Variants in CEP128 observed in about 807,000 individuals in gnomAD.
The protein encoded by CEP128 is centrosomal protein 128kDa.
CEP128 carries 132 observed loss-of-function variants against 156.7 expected under a neutral mutation model. The ratio of observed to expected loss-of-function variants is 0.84; its 90% CI spans 0.73 to 0.97. The LOEUF is 0.97. CEP128 is among the 50% of genes least tolerant of loss of function. The pLI is 0.00. For missense variants in CEP128, 1,252 were observed against 1,281.9 expected (o/e 0.98, Z 0.36); for synonymous variants, 469 against 448.9 (o/e 1.04, Z -0.57).
intron 21 of CEP128, among the ~76,000 whole-genome samples, chr14:80,539,181 C>T (rs1889624967): frequency 1.3e-5 from 2 of 152,146 alleles, no homozygotes; most frequent in Non-Finnish European, 2.9e-5. Flanking sequence ...GGGAGAGAAA[C>T]TAACATGTTC....
At chr14:80,617,137 T>G in intron 19 of CEP128, among the ~76,000 whole-genome samples, 1 of 151,148 alleles carries the variant, frequency 6.6e-6, no homozygotes. Context: ...ATATAAAGGA[T>G]GATTTGGCAA....
At chr14:80,477,509 GT>G (rs1886965070) in exon 15 of CEP128, 1 of 152,018 alleles carries the variant, frequency 6.6e-6, no homozygotes, top group Non-Finnish European at 1.5e-5. Flanking sequence ...GCACCTCCCC[GT>G]GTTATCTATA....
At position 80,584,823 on chromosome 14, in the gene CEP128, CTCT is replaced by C. The variant is rs1435725764; in HGVS notation, c.2807-4403_2807-4401del. 4.6e-5 allele frequency among the ~76,000 whole-genome samples: 7 copies of C among 152,288 alleles called. No individual in the cohort carries two copies. In the South Asian group the frequency reaches 1.0e-3, roughly 23 times the overall value. On this transcript the variant is annotated intron_variant, in intron 19 of 24. Coordinates refer to ENST00000555265, the MANE Select transcript of CEP128 (RefSeq NM_152446.5). ...TGGAAAGAGCTGAAGGGCTGCTCTG[CTCT>C]TCTTATCAGCATTGAAAGAGCTGAA...
At chr14:80,774,755 C>T (rs541840885) in intron 16 of CEP128, among the ~76,000 whole-genome samples, 1 of 152,104 alleles carries the variant, frequency 6.6e-6, no homozygotes, top group East Asian at 1.9e-4. Flanking sequence ...AGGTGTAATT[C>T]GTCTCCTCAA....
At chr14:80,830,309 A>G in intron 13 of CEP128, 1 of 538,116 alleles carries the variant, frequency 1.9e-6, no homozygotes, top group Non-Finnish European at 3.3e-6. Flanking sequence ...AGAAACACAG[A>G]TGAGTAACAT....
chr14:80,698,201 GAGTT>G (rs1896953696), intron 19 of CEP128, among the ~76,000 whole-genome samples: 1 of 151,946 alleles, frequency 6.6e-6, no homozygotes, highest in Non-Finnish European at 1.5e-5. Context: ...CTACCTCTGA[GAGTT>G]AGTGAGAGTA....
At chr14:80,810,323 C>CAAAAAAAAAAAAAAAAAAAAAAAA (rs71103883) in intron 13 of CEP128, among the ~76,000 whole-genome samples, 1 of 15,204 alleles carries the variant, frequency 6.6e-5, no homozygotes, top group Non-Finnish European at 1.3e-4. Context: ...ACTCCATCTC[C>CAAAAAAAAAAAAAAAAAAAAAAAA]AAAAAAAAAA....
intron 19 of CEP128, among the ~76,000 whole-genome samples, chr14:80,610,994 A>G (rs1358807347): frequency 6.6e-6 from 1 of 152,102 alleles, no homozygotes; most frequent in African/African-American, 2.4e-5. Flanking sequence ...ATTTACTCAT[A>G]TATGTATAAG....
chr14:80,692,093 T>A (rs1896738712), intron 19 of CEP128, among the ~76,000 whole-genome samples: 1 of 152,172 alleles, frequency 6.6e-6, no homozygotes, highest in Non-Finnish European at 1.5e-5. Flanking sequence ...AGTTTGAGGA[T>A]TTGACAGTTT....
chr14:80,729,647 C>A (rs949452984), intron 19 of CEP128, among the ~76,000 whole-genome samples: 3 of 152,100 alleles, frequency 2.0e-5, no homozygotes, highest in Non-Finnish European at 4.4e-5. Context: ...ACATTCCCAC[C>A]AGCAGTATAA....
At chr14:80,865,089 C>G (rs960358746) in intron 8 of CEP128, among the ~76,000 whole-genome samples, 1 of 152,146 alleles carries the variant, frequency 6.6e-6, no homozygotes, top group African/African-American at 2.4e-5. Context: ...CCCTCCCAAC[C>G]CTGCCCTGCC....
At chr14:80,956,021 G>A (rs1886658057) in intron 2 of CEP128, 2 of 761,594 alleles carry the variant, frequency 2.6e-6, no homozygotes, top group Non-Finnish European at 4.4e-6. Flanking sequence ...AAACTTAATC[G>A]CCCACACTTG....
intron 19 of CEP128, among the ~76,000 whole-genome samples, chr14:80,621,265 T>C (rs1431546743): frequency 6.6e-6 from 1 of 152,142 alleles, no homozygotes; most frequent in Non-Finnish European, 1.5e-5. Context: ...CATGAATTCA[T>C]TTTCCAAAAG....
intron 14 of CEP128, among the ~76,000 whole-genome samples, chr14:80,485,147 C>G (rs111941163): frequency 6.7e-4 from 102 of 152,238 alleles, no homozygotes; most frequent in African/African-American, 2.2e-3. Flanking sequence ...TTCTGAGAAT[C>G]TGAATATCAT....
At chr14:80,894,970 C>T (rs1284495519) in intron 8 of CEP128, among the ~76,000 whole-genome samples, 1 of 151,658 alleles carries the variant, frequency 6.6e-6, no homozygotes, top group Non-Finnish European at 1.5e-5. Flanking sequence ...GAAAATCTTG[C>T]TAACTTTCCT....
chr14:80,734,537 G>C (rs1898433054), intron 19 of CEP128, among the ~76,000 whole-genome samples: 1 of 151,910 alleles, frequency 6.6e-6, no homozygotes, highest in Admixed American at 6.6e-5. Context: ...ATAAATGTTA[G>C]ATGTTATTAC....
At chr14:80,817,944 C>T (rs889343071) in intron 13 of CEP128, among the ~76,000 whole-genome samples, 2 of 151,298 alleles carry the variant, frequency 1.3e-5, no homozygotes, top group African/African-American at 4.8e-5. Context: ...AAAGAATCCA[C>T]AAACTTGAAG....
intron 9 of CEP128, among the ~76,000 whole-genome samples, chr14:80,848,614 C>T (rs533276244): frequency 1.3e-5 from 2 of 151,042 alleles, no homozygotes; most frequent in South Asian, 4.2e-4. Context: ...GAGCCAAGAT[C>T]GTGCCACTGC....
At chr14:80,643,844 C>T (rs1566829756) in intron 19 of CEP128, among the ~76,000 whole-genome samples, 5 of 152,138 alleles carry the variant, frequency 3.3e-5, no homozygotes. Flanking sequence ...TCAGCTCACA[C>T]TAAGTAAAAA....
Sources: gnomAD v4.1 joint callset for allele counts (sites outside exome capture counted in the v4.1 genomes callset) on GRCh38, gnomAD v4.1.1 for gene constraint, MANE v1.5 for transcripts, NCBI Gene and HGNC (gene_info 2026-07-23, HGNC 2026-07-21) for gene names.